Variants in SCML4 observed in about 807,000 individuals in gnomAD.
SCML4 encodes Scm polycomb group protein like 4.
In SCML4, 34 loss-of-function variants were observed where a neutral mutation model predicts 41.1. That is an observed-to-expected ratio of 0.83 (90% confidence interval 0.63 to 1.10). The LOEUF (loss-of-function observed/expected upper bound fraction) is 1.10, where lower values mean the gene tolerates loss of function less well. Ranked by LOEUF, SCML4 falls within the 50% of genes least tolerant of loss-of-function variation. SCML4 has a pLI of 0.00. For synonymous variants in SCML4, 214 were observed against 220.9 expected (o/e 0.97, Z 0.28); for missense variants, 522 against 534.1 (o/e 0.98, Z 0.22).
In SCML4 at chr6:107,802,620, A is replaced by T. The variant is rs370319019; in HGVS notation, c.-60+21506T>A. On this transcript the variant is annotated intron_variant, in intron 1 of 7. Coordinates refer to ENST00000369020, the MANE Select transcript of SCML4 (RefSeq NM_198081.5). Reference sequence around the variant, plus strand: ...GAAGGAAGGAAGGAAGGAAGGAAGGAAGGAAGGAAGGAAGGAAAGAAAATT... The same window carrying T: ...GAAGGAAGGAAGGAAGGAAGGAAGGTAGGAAGGAAGGAAGGAAAGAAAATT... 8.5e-3 allele frequency among the ~76,000 whole-genome samples: 1,196 copies of T among 139,898 alleles called. 34 individuals carry two copies. Among genetic ancestry groups the T allele is most frequent in the African/African-American group, 0.032 (1,121 of 35,384 alleles). 91.8% of individuals were successfully genotyped at this position (139,898 alleles called of 152,430 possible).
intron 2 of SCML4, among the ~76,000 whole-genome samples, chr6:107,761,053 C>A (rs184050291): frequency 6.6e-6 from 1 of 152,062 alleles, no homozygotes; most frequent in East Asian, 1.9e-4. Flanking sequence ...ACCCAGAAAG[C>A]AGCACAGAAA....
rs547501267 is a variant in SCML4 at position 107,752,363 on chromosome 6, G to A, written c.157-2550C>T. Among the ~76,000 whole-genome samples, 3 of 152,194 alleles carry A rather than the reference G, an allele frequency of 2.0e-5. No homozygotes were observed. In the East Asian group the frequency reaches 5.8e-4, roughly 29 times the overall value. Reference sequence around the variant, plus strand: ...TCTAGTAGAGTATATGGTTCTGGGGGAGAGCCTATATGAAGATGTACATTT... The same window carrying A: ...TCTAGTAGAGTATATGGTTCTGGGGAAGAGCCTATATGAAGATGTACATTT... On this transcript the variant is annotated intron_variant, in intron 2 of 7. Transcript: ENST00000369020.
chr6:107,710,080 A>G (rs988830762), intron 6 of SCML4, among the ~76,000 whole-genome samples: 8 of 152,204 alleles, frequency 5.3e-5, no homozygotes, highest in African/African-American at 1.9e-4. Flanking sequence ...TCCACTTTGT[A>G]GTACAATTAT....
intron 5 of SCML4, among the ~76,000 whole-genome samples, chr6:107,742,171 G>A (rs1172142792): frequency 2.0e-5 from 3 of 152,126 alleles, no homozygotes; most frequent in African/African-American, 7.2e-5. Context: ...ACTCTCAATA[G>A]TGAAGTAGAT....
chr6:107,806,613 C>A (rs567432065), intron 1 of SCML4, among the ~76,000 whole-genome samples: 1 of 152,196 alleles, frequency 6.6e-6, no homozygotes, highest in Non-Finnish European at 1.5e-5. Context: ...CCTCCAAAGC[C>A]GGCACTGGAC....
chr6:107,820,380 G>T (rs1203751986), intron 1 of SCML4, among the ~76,000 whole-genome samples: 1 of 152,198 alleles, frequency 6.6e-6, no homozygotes, highest in African/African-American at 2.4e-5. Flanking sequence ...ACTGGGAGGG[G>T]TGTGTGTTTG....
intron 1 of SCML4, among the ~76,000 whole-genome samples, chr6:107,784,902 A>G: frequency 7.0e-6 from 1 of 143,134 alleles, no homozygotes; most frequent in South Asian, 2.1e-4. Context: ...CAGACCAGCA[A>G]CCATTTCAGT....
At chr6:107,775,547 A>G (rs1269837850) in intron 1 of SCML4, among the ~76,000 whole-genome samples, 1 of 152,242 alleles carries the variant, frequency 6.6e-6, no homozygotes, top group African/African-American at 2.4e-5. Flanking sequence ...AGTTCTTCAT[A>G]TAGATTTCAT....
chr6:107,819,054 C>CT (rs2114304218), intron 1 of SCML4, among the ~76,000 whole-genome samples: 1 of 145,194 alleles, frequency 6.9e-6, no homozygotes, highest in African/African-American at 2.5e-5. Flanking sequence ...GGTCTATGAG[C>CT]TGACAGCTGT....
At chr6:107,802,298 T>C in intron 1 of SCML4, among the ~76,000 whole-genome samples, 1 of 152,148 alleles carries the variant, frequency 6.6e-6, no homozygotes, top group Non-Finnish European at 1.5e-5. Flanking sequence ...GCAGTGAGCA[T>C]GTTATTTGAC....
At chr6:107,788,061 C>T (rs545411421) in intron 1 of SCML4, among the ~76,000 whole-genome samples, 1 of 152,322 alleles carries the variant, frequency 6.6e-6, no homozygotes, top group South Asian at 2.1e-4. Flanking sequence ...CCAATGCCTT[C>T]ACCTCTTGTG....
chr6:107,703,235 C>T lies in SCML4; in HGVS notation c.*1965G>A, dbSNP rs935838917. On this transcript the variant is annotated 3_prime_UTR_variant, in exon 8 of 8. Coordinates refer to ENST00000369020, the MANE Select transcript of SCML4 (RefSeq NM_198081.5). ...TTCCTTTACTTTCTTAATAAACTTGCTTTCACTTTACTTTATGGACTCACC... is the reference window on the plus strand; with the variant it reads ...TTCCTTTACTTTCTTAATAAACTTGTTTTCACTTTACTTTATGGACTCACC... Among the ~76,000 whole-genome samples the T allele has an allele frequency of 8.5e-5, 13 of 152,178 alleles. No individual in the cohort carries two copies. Among genetic ancestry groups the T allele is most frequent in the Non-Finnish European group, 1.5e-4 (10 of 68,028 alleles).
At chr6:107,832,747 A>G in the SCML4 span, among the ~76,000 whole-genome samples, 1 of 152,200 alleles carries the variant, frequency 6.6e-6, no homozygotes, top group Non-Finnish European at 1.5e-5. Context: ...ACTGACTAGT[A>G]GAAGGTGGGG....
At chr6:107,764,655 G>A (rs891879467) in intron 2 of SCML4, among the ~76,000 whole-genome samples, 2 of 152,140 alleles carry the variant, frequency 1.3e-5, no homozygotes, top group African/African-American at 4.8e-5. Context: ...GGTACCAGGA[G>A]AGAGAAGGAA....
chr6:107,778,222 A>AAAAAATATATATAT (rs1554218145), intron 1 of SCML4, among the ~76,000 whole-genome samples: 1 of 15,540 alleles, frequency 6.4e-5, no homozygotes, highest in African/African-American at 1.5e-4. Context: ...AAAAAAAAAA[A>AAAAAATATATATAT]ATATATATAT....
intron 1 of SCML4, among the ~76,000 whole-genome samples, chr6:107,779,611 GGGTAATGTTC>G (rs539087057): frequency 9.2e-5 from 14 of 152,058 alleles, no homozygotes; most frequent in Non-Finnish European, 1.8e-4. Context: ...CCTGACCTTG[GGGTAATGTTC>G]TAACTCACTG....
intron 5 of SCML4, among the ~76,000 whole-genome samples, chr6:107,726,913 A>C (rs1338029438): frequency 6.6e-6 from 1 of 152,240 alleles, no homozygotes; most frequent in East Asian, 1.9e-4. Flanking sequence ...TATGTACTAA[A>C]AAGAAATGAA....
chr6:107,842,043 T>C, the SCML4 span, among the ~76,000 whole-genome samples: 2 of 152,220 alleles, frequency 1.3e-5, no homozygotes, highest in Non-Finnish European at 2.9e-5. Context: ...TCTTCTTTTC[T>C]AATATAAGCA....
At position 107,817,478 on chromosome 6, in the gene SCML4, G is replaced by A. The variant is rs188879028; in HGVS notation, c.-60+6648C>T. 2.4e-3 allele frequency among the ~76,000 whole-genome samples: 365 copies of A among 152,048 alleles called. 2 individuals are homozygous for A. Among genetic ancestry groups the A allele is most frequent in the African/African-American group, 7.4e-3 (306 of 41,450 alleles). ...CTAAAAATACAAAAATTATCTAGGT[G>A]TGGTGGCAGGTGCCTGTAATCCCAG... is the stretch of plus-strand genomic sequence containing the variant. On this transcript the variant is annotated intron_variant, in intron 1 of 7. Transcript: ENST00000369020.
Sources: allele counts gnomAD v4.1 joint callset (sites outside exome capture counted in the v4.1 genomes callset), GRCh38; gene constraint gnomAD v4.1.1; transcripts MANE v1.5; gene names NCBI Gene and HGNC (gene_info 2026-07-23, HGNC 2026-07-21).